ARHGAP29: variants seen among roughly 807,000 people sequenced by gnomAD.
ARHGAP29 encodes the protein Rho GTPase activating protein 29.
A neutral mutation model predicts 122.6 loss-of-function variants in ARHGAP29; 43 were observed. The observed-to-expected ratio is 0.35, with a 90% CI of 0.27 to 0.45. The LOEUF (loss-of-function observed/expected upper bound fraction) is 0.45. Among genes scored for constraint, ARHGAP29 ranks in the 20% least tolerant of loss-of-function variants. The pLI is 1.00. For missense variants in ARHGAP29, 1,303 were observed against 1,477.2 expected (o/e 0.88, Z 1.93); for synonymous variants, 506 against 497.1 (o/e 1.02, Z -0.24).
At chr1:94,257,638 G>A (rs1654412077) in intron 1 of ARHGAP29, among the ~76,000 whole-genome samples, 1 of 152,106 alleles carries the variant, frequency 6.6e-6, no homozygotes, top group African/African-American at 2.4e-5. Context: ...TGGCTTGGGA[G>A]GTCAAGCTTG....
At chr1:94,296,394 A>G in the ARHGAP29 span, among the ~76,000 whole-genome samples, 2 of 152,180 alleles carry the variant, frequency 1.3e-5, no homozygotes, top group African/African-American at 4.8e-5. Flanking sequence ...TATTTTTATA[A>G]TTGTTCTATT....
In ARHGAP29 at chr1:94,232,911, T is replaced by C. The variant is rs187542289; in HGVS notation, c.-32-1268A>G. Among the ~76,000 whole-genome samples the C allele has an allele frequency of 2.6e-5, 4 of 152,062 alleles. No individual in the cohort carries two copies. In the East Asian group the frequency reaches 7.7e-4, roughly 29 times the overall value. ...TAGATGACTAAGGACTTCTATAAAA[T>C]TTACAGTAGAAAGTTTTTTGGTTTT... On this transcript the variant is annotated intron_variant, in intron 1 of 22. Coordinates refer to ENST00000260526, the MANE Select transcript of ARHGAP29 (RefSeq NM_004815.4).
intron 1 of ARHGAP29, among the ~76,000 whole-genome samples, chr1:94,249,771 A>T (rs1654011121): frequency 6.6e-6 from 1 of 152,082 alleles, no homozygotes; most frequent in Non-Finnish European, 1.5e-5. Context: ...AAAAGAAAGA[A>T]AATTAGTCAT....
At chr1:94,313,450 T>C in the ARHGAP29 span, among the ~76,000 whole-genome samples, 110 of 152,296 alleles carry the variant, frequency 7.2e-4, no homozygotes, top group African/African-American at 2.6e-3. Flanking sequence ...TCATGCCAGT[T>C]AGAATGGCGA....
chr1:94,228,894 G>GA (rs1652771055), intron 2 of ARHGAP29, among the ~76,000 whole-genome samples: 1 of 151,942 alleles, frequency 6.6e-6, no homozygotes, highest in South Asian at 2.1e-4. Flanking sequence ...AGTTATTACA[G>GA]AAAAAATGTA....
At chr1:94,185,578 CAT>C (rs1649748343) in intron 16 of ARHGAP29, 97 bp from the exon 17 acceptor site, 2 of 1,070,328 alleles carry the variant, frequency 1.9e-6, no homozygotes, top group Non-Finnish European at 2.5e-6. Context: ...TGTAATCATT[CAT>C]ATATTATAAA....
At chr1:94,193,385 TG>T (rs1170652313) in intron 12 of ARHGAP29, 1 of 147,808 alleles carries the variant, frequency 6.8e-6, no homozygotes, top group African/African-American at 2.5e-5. Context: ...AAAAAAAAAT[TG>T]AAGAAACAAT....
intron 2 of ARHGAP29, among the ~76,000 whole-genome samples, chr1:94,226,024 G>C (rs1652591168): frequency 6.6e-6 from 1 of 151,666 alleles, no homozygotes; most frequent in Non-Finnish European, 1.5e-5. Flanking sequence ...AAATACCACA[G>C]TGTTTATATT....
rs767124342 is a variant in ARHGAP29 at position 94,190,030 on chromosome 1, G to C, written c.1335C>G (p.Asp445Glu). Reference protein sequence around the residue: ...MQHLQAASLADSLQSLCDSAK... With the variant: ...MQHLQAASLAESLQSLCDSAK... ...CACTATCACAGAGAGACTGTAAACT[G>C]TCTGCAAGGGAAGCAGCCTGCAGAT... Residue 445 changes from aspartate (D) to glutamate (E), a missense_variant, in exon 13 of 23, where the codon GAC becomes GAG. Asp to Glu is a conservative substitution (Grantham distance 45). Transcript: ENST00000260526. The C allele has an allele frequency of 6.8e-6, 11 of 1,613,454 alleles. No individual in the cohort carries two copies. The highest frequency in any genetic ancestry group is 9.3e-6 in the Non-Finnish European group (11 of 1,179,614).
the ARHGAP29 span, among the ~76,000 whole-genome samples, chr1:94,309,750 C>CATGA: frequency 6.6e-6 from 1 of 152,290 alleles, no homozygotes; most frequent in South Asian, 2.1e-4. Flanking sequence ...CTTTCGAAGA[C>CATGA]ATGAGAGTCA....
rs530295333 is a variant in ARHGAP29, at chr1:94,256,536, C to CTTTTTTTTTTTTTTTTTTT, written c.-33+18457_-33+18475dup. ...CAGAAATAGATTTAACAGTACTAAT[C>CTTTTTTTTTTTTTTTTTTT]TTTTTTTTTTTTTTTTTTTTTTTTT... On this transcript the variant is annotated intron_variant and NMD_transcript_variant, in intron 1 of 25. Coordinates refer to the ARHGAP29 transcript ENST00000552844. Among the ~76,000 whole-genome samples, 8 of 45,296 alleles carry CTTTTTTTTTTTTTTTTTTT rather than the reference C, an allele frequency of 1.8e-4. 1 individual carries two copies. The highest frequency in any genetic ancestry group is 2.6e-4 in the Non-Finnish European group (7 of 26,948). The allele number at this position is 45,296 out of a possible 152,430, so 29.7% of individuals were successfully genotyped here.
intron 15 of ARHGAP29, among the ~76,000 whole-genome samples, chr1:94,187,134 A>T (rs1311188948): frequency 1.3e-5 from 2 of 152,214 alleles, no homozygotes; most frequent in Non-Finnish European, 2.9e-5. Flanking sequence ...ACTGGCAGGG[A>T]GCTGAGACCA....
chr1:94,212,530 T>A lies in ARHGAP29; in HGVS notation c.341-3180A>T, dbSNP rs865971786. On this transcript the variant is annotated intron_variant, in intron 3 of 22. Coordinates refer to ENST00000260526, the MANE Select transcript of ARHGAP29 (RefSeq NM_004815.4). ...ACTTGTATTTCCTAACTTTAAGCTGTTAAAAAATAGTTTATAACCCTATCC... is the reference window on the plus strand; with the variant it reads ...ACTTGTATTTCCTAACTTTAAGCTGATAAAAAATAGTTTATAACCCTATCC... 2.6e-5 allele frequency among the ~76,000 whole-genome samples: 4 copies of A among 152,234 alleles called. No individual in the cohort carries two copies. In the South Asian group the frequency reaches 8.3e-4, roughly 31 times the overall value.
rs150417664 is a variant in ARHGAP29 at position 94,178,071 on chromosome 1, A to T, written c.2577T>A (p.Pro859=). 6.2e-6 allele frequency: 10 copies of T among 1,614,096 alleles called. No individual in the cohort carries two copies. The African/African-American group carries it at 1.3e-4, about 22-fold the overall frequency. Residue 859 remains proline (P), a synonymous_variant, in exon 21 of 23, where the codon CCT becomes CCA. Transcript: ENST00000260526. ...SLIRPRPTTA[P]ITISSLAEYS... ...ACTCTGCAAGGGAGGAGATGGTGAT[A>T]GGAGCAGTTGTGGGCCTTGGCCTAA...
chr1:94,284,770 G>C, the ARHGAP29 span, among the ~76,000 whole-genome samples: 46 of 152,324 alleles, frequency 3.0e-4, no homozygotes, highest in Non-Finnish European at 4.9e-4. Flanking sequence ...AGCCAATCCT[G>C]TCTAGTACAC....
At chr1:94,252,610 G>A (rs1283585224) in intron 1 of ARHGAP29, among the ~76,000 whole-genome samples, 5 of 151,882 alleles carry the variant, frequency 3.3e-5, no homozygotes, top group African/African-American at 9.7e-5. Flanking sequence ...ATAAAAGTTC[G>A]GATCATGCCA....
chr1:94,241,325 A>G (rs1653562985), upstream of ARHGAP29, among the ~76,000 whole-genome samples: 1 of 152,168 alleles, frequency 6.6e-6, no homozygotes, highest in Non-Finnish European at 1.5e-5. Flanking sequence ...TAAAAGATAT[A>G]TCAAATGCAG....
intron 19 of ARHGAP29, among the ~76,000 whole-genome samples, chr1:94,180,488 GC>G (rs1286555405): frequency 6.6e-6 from 1 of 152,158 alleles, no homozygotes; most frequent in Non-Finnish European, 1.5e-5. Flanking sequence ...CAAAGGGCAT[GC>G]CATTTTGATC....
the ARHGAP29 span, among the ~76,000 whole-genome samples, chr1:94,308,851 G>T: frequency 0.07 from 10,619 of 152,238 alleles, 1,113 homozygotes; most frequent in African/African-American, 0.23. Context: ...CTGATAGATG[G>T]GAATGGGAAC....
Sources: gnomAD v4.1 joint callset for allele counts (sites outside exome capture counted in the v4.1 genomes callset) on GRCh38, gnomAD v4.1.1 for gene constraint, MANE v1.5 for transcripts, NCBI Gene and HGNC (gene_info 2026-07-23, HGNC 2026-07-21) for gene names.